NOD2: variants seen among roughly 807,000 people sequenced by gnomAD.
NOD2 encodes nucleotide-binding oligomerization domain-containing protein 2.
A neutral mutation model predicts 90.9 loss-of-function variants in NOD2; 86 were observed. The observed-to-expected ratio is 0.95, with a 90% CI of 0.79 to 1.13. NOD2 has a LOEUF of 1.13. Among genes scored for constraint, NOD2 ranks in the 50% most tolerant of loss-of-function variants. The pLI, the probability that NOD2 is intolerant of heterozygous loss-of-function variation, is 0.00. For synonymous variants in NOD2, 581 were observed against 554.6 expected, an observed-to-expected ratio of 1.05 and a Z score of -0.67; for missense variants, 1,238 against 1,283.8, an observed-to-expected ratio of 0.96 and a Z score of 0.55.
intron 11 of NOD2, 159 bp downstream of exon 11, chr16:50,730,060 T>C (rs1965401452): frequency 3.2e-6 from 2 of 628,924 alleles, no homozygotes; most frequent in South Asian, 3.2e-5. Flanking sequence ...TGATTCTCTG[T>C]CTAAGAAAGA....
At position 50,699,603 on chromosome 16, in the gene NOD2, G is replaced by A. The variant is rs1963831145; in HGVS notation, c.108G>A (p.Trp36Ter). ...FESVLDWLLS[W>*]EVLSWEDYEG... ...GTGTCCTGGACTGGCTGCTGTCCTG[G>A]GAGGTCCTCTCCTGGGAGGACTACG... The change falls in exon 2 of 12, where the codon TGG (tryptophan) becomes TGA (stop). Residue 36 changes from tryptophan to a stop codon, truncating the protein, a stop_gained. Transcript: ENST00000647318. LOFTEE classifies it high-confidence loss of function. 1.2e-6 allele frequency: 2 copies of A among 1,614,054 alleles called. No individual in the cohort carries two copies. Among genetic ancestry groups the A allele is most frequent in the Non-Finnish European group, 1.7e-6 (2 of 1,179,982 alleles).
chr16:50,710,057 C>A, intron 3 of NOD2: 1 of 452,706 alleles, frequency 2.2e-6, no homozygotes, highest in South Asian at 1.6e-5. Context: ...AGCCCTTAAG[C>A]CCTTTGTTCC....
At position 50,710,843 on chromosome 16, in the gene NOD2, GGCT is replaced by G. The variant is rs1271585876; in HGVS notation, c.854_856del (p.Leu285del). ...AGTGGCAAGAGCACGCTCCTGCAGC[GGCT>G]GCACTTGCTGTGGGCTGCAGGGCAA... On this transcript the variant is annotated inframe_deletion, in exon 4 of 12. Transcript: ENST00000647318. The G allele has an allele frequency of 4.3e-6, 7 of 1,613,954 alleles. No homozygotes were observed. In the Admixed American group the frequency reaches 8.3e-5, roughly 19 times the overall value.
At chr16:50,727,566 G>C (rs1965310194) in intron 10 of NOD2, 3 of 287,386 alleles carry the variant, frequency 1.0e-5, no homozygotes, top group Middle Eastern at 1.2e-3. Context: ...GCATCCTCCT[G>C]GTTGTGGAAG....
intron 4 of NOD2, chr16:50,713,010 A>C: frequency 6.3e-6 from 1 of 158,956 alleles, no homozygotes; most frequent in Non-Finnish European, 1.4e-5. Flanking sequence ...TTTCAGCACT[A>C]CCCGTATTGC....
At chr16:50,719,898 C>A in intron 6 of NOD2, 27 bp from the exon 7 acceptor site, 1 of 1,608,130 alleles carries the variant, frequency 6.2e-7, no homozygotes, top group South Asian at 1.1e-5. Flanking sequence ...GCTGTGTTCT[C>A]TCAGCCTCCT....
In NOD2 at chr16:50,712,591, A is replaced by G. The variant is rs199475918; in HGVS notation, c.2381+218A>G. On this transcript the variant is annotated intron_variant, in intron 4 of 11. Transcript: ENST00000647318. ...TGGCCTATGTGCTGGGTCTGGTGCT[A>G]TGCTTTCCGGAATGACCTCATCTAA... 2.5e-4 allele frequency: 156 copies of G among 622,304 alleles called. No individual in the cohort carries two copies. Among genetic ancestry groups the G allele is most frequent in the African/African-American group, 2.0e-3 (111 of 54,534 alleles). The allele number at this position is 622,304 out of a possible 1,614,324, so 38.5% of individuals were successfully genotyped here. A position where few individuals can be genotyped will look rare whatever the true frequency, so the allele number is the denominator to read the frequency against.
At chr16:50,697,448 A>C (rs1963706532) in intron 1 of NOD2, 2 of 907,296 alleles carry the variant, frequency 2.2e-6, no homozygotes, top group African/African-American at 1.6e-5. Context: ...TCTGGGGAGA[A>C]TGGGTCGGCG....
intron 10 of NOD2, chr16:50,727,909 G>A (rs1157446682): frequency 1.4e-5 from 4 of 282,712 alleles, no homozygotes; most frequent in East Asian, 8.9e-5. Flanking sequence ...TTTTTGGTGC[G>A]AATTTGCCTT....
chr16:50,731,368 G>A (rs928495074), intron 11 of NOD2, among the ~76,000 whole-genome samples: 6 of 152,136 alleles, frequency 3.9e-5, no homozygotes, highest in Admixed American at 2.0e-4. Flanking sequence ...GCCAACATGA[G>A]GTTGATATTT....
intron 1 of NOD2, chr16:50,697,602 G>T (rs1057445989): frequency 2.1e-6 from 1 of 476,904 alleles, no homozygotes; most frequent in African/African-American, 2.0e-5. Flanking sequence ...CCCTGTCCTC[G>T]GCCACCCCAC....
At chr16:50,704,936 T>A (rs776918381) in intron 2 of NOD2, among the ~76,000 whole-genome samples, 2 of 152,234 alleles carry the variant, frequency 1.3e-5, no homozygotes, top group Non-Finnish European at 2.9e-5. Context: ...ACCCAAGAGG[T>A]ACTTTCAATC....
At chr16:50,710,473 G>C in intron 3 of NOD2, 85 bp from the exon 4 acceptor site, 3 of 1,583,400 alleles carry the variant, frequency 1.9e-6, no homozygotes, top group Non-Finnish European at 2.6e-6. Context: ...AGTTATGTCA[G>C]CGTCCCCCGC....
intron 1 of NOD2, among the ~76,000 whole-genome samples, chr16:50,698,501 T>C (rs1596822709): frequency 2.0e-5 from 3 of 152,336 alleles, no homozygotes; most frequent in Admixed American, 2.0e-4. Flanking sequence ...AGCAATATTC[T>C]GAGTCTACCC....
At chr16:50,712,676 G>T in intron 4 of NOD2, 1 of 439,544 alleles carries the variant, frequency 2.3e-6, no homozygotes, top group East Asian at 4.4e-5. Context: ...TCCTTGACTT[G>T]AGGCTCAGAG....
chr16:50,708,441 T>C (rs1210917111), intron 3 of NOD2, among the ~76,000 whole-genome samples: 1 of 152,146 alleles, frequency 6.6e-6, no homozygotes, highest in Non-Finnish European at 1.5e-5. Flanking sequence ...ACCGCACCAC[T>C]TGAACATACC....
chr16:50,707,615 A>G (rs920519215), intron 2 of NOD2, among the ~76,000 whole-genome samples: 2 of 152,006 alleles, frequency 1.3e-5, no homozygotes, highest in African/African-American at 4.8e-5. Context: ...TGTTTCATTT[A>G]TTTTTCAGTT....
At chr16:50,698,734 G>T (rs1164884307) in intron 1 of NOD2, among the ~76,000 whole-genome samples, 1 of 152,156 alleles carries the variant, frequency 6.6e-6, no homozygotes, top group Non-Finnish European at 1.5e-5. Context: ...CTTCAGAGTG[G>T]CTGGGAGGGT....
rs979385226 is a variant in NOD2, at chr16:50,711,497, ACT to A, written c.1507_1508del (p.Ala504PhefsTer47). On this transcript the variant is annotated frameshift_variant, in exon 4 of 12. Coordinates refer to ENST00000647318, the MANE Select transcript of NOD2 (RefSeq NM_001370466.1). LOFTEE classifies it high-confidence loss of function. ...TTTCTGCTGCATGCCACCCCCCCAG[ACT>A]CAGCTTCCCAAGGTCTGGGACCCAG... The A allele has an allele frequency of 6.2e-7, 1 of 1,613,058 alleles. No homozygotes were observed. The highest frequency in any genetic ancestry group is 1.3e-5 in the African/African-American group (1 of 74,856).
Sources: gnomAD v4.1 joint callset for allele counts (sites outside exome capture counted in the v4.1 genomes callset) on GRCh38, gnomAD v4.1.1 for gene constraint, MANE v1.5 for transcripts, NCBI Gene and HGNC (gene_info 2026-07-23, HGNC 2026-07-21) for gene names.